Variants in COL22A1 observed in about 807,000 individuals in gnomAD.
The protein encoded by COL22A1 is collagen type XXII alpha 1 chain.
In COL22A1, 221 loss-of-function variants were observed where a neutral mutation model predicts 248.9. The observed-to-expected ratio is 0.89, with a 90% confidence interval of 0.80 to 0.99. COL22A1 has a LOEUF of 0.99. Among genes scored for constraint, COL22A1 ranks in the 50% least tolerant of loss-of-function variants. The probability of loss-of-function intolerance (pLI) is 0.00; values close to 1 mark genes in which losing one functional copy is unlikely to be tolerated. For synonymous variants in COL22A1, 891 were observed against 793.4 expected, an observed-to-expected ratio of 1.12 and a Z score of -2.07; for missense variants, 2,240 against 2,179.0, an observed-to-expected ratio of 1.03 and a Z score of -0.56.
intron 32 of COL22A1, among the ~76,000 whole-genome samples, chr8:138,696,609 C>A (rs751468193): frequency 6.6e-6 from 1 of 151,498 alleles, no homozygotes; most frequent in Admixed American, 6.6e-5. Context: ...CTCTCTGATA[C>A]GGCAGTTGGA....
intron 47 of COL22A1, among the ~76,000 whole-genome samples, chr8:138,644,901 G>T (rs1441204238): frequency 6.6e-6 from 1 of 152,090 alleles, no homozygotes; most frequent in Non-Finnish European, 1.5e-5. Context: ...CGGACGGCCC[G>T]CAAGTGCAAT....
intron 45 of COL22A1, among the ~76,000 whole-genome samples, chr8:138,653,441 C>G (rs1822937138): frequency 6.6e-6 from 1 of 152,228 alleles, no homozygotes; most frequent in South Asian, 2.1e-4. Context: ...GGTTCTACCA[C>G]TACAAGGTCT....
At position 138,755,222 on chromosome 8, in the gene COL22A1, A is replaced by G. The variant is rs1045886794; in HGVS notation, c.1978-12T>C. 125 of 1,613,536 alleles carry G rather than the reference A, an allele frequency of 7.7e-5. No homozygotes were observed. The highest frequency in any genetic ancestry group is 1.0e-4 in the Non-Finnish European group (121 of 1,179,634). ...GGTCCTGGAGCTCCCTGGTAACACA[A>G]GCCAAACAGATGTTTAGTCATGACT... On this transcript the variant is annotated splice_polypyrimidine_tract_variant and intron_variant, in intron 20 of 64. Coordinates refer to ENST00000303045, the MANE Select transcript of COL22A1 (RefSeq NM_152888.3).
At chr8:138,663,877 C>A (rs1824207639) in intron 41 of COL22A1, 137 bp from the exon 42 acceptor site, 1 of 670,174 alleles carries the variant, frequency 1.5e-6, no homozygotes, top group South Asian at 1.7e-5. Flanking sequence ...TGAAGCCACA[C>A]TGCCATACCC....
Position 138,703,307 on chromosome 8 carries a change from G to C in COL22A1, c.2558C>G (p.Thr853Ser), listed in dbSNP as rs1430353024. 1.2e-6 allele frequency: 2 copies of C among 1,613,018 alleles called. No individual in the cohort carries two copies. Among genetic ancestry groups the C allele is most frequent in the African/African-American group, 2.7e-5 (2 of 74,878 alleles). The change falls in exon 31 of 65, where the codon ACT becomes AGT. Residue 853 changes from threonine (T) to serine (S), a missense_variant and splice_region_variant. Coordinates refer to ENST00000303045, the MANE Select transcript of COL22A1 (RefSeq NM_152888.3). Reference protein sequence around the residue: ...GPAGPPGLPGTTSLFTPHPRM... With the variant: ...GPAGPPGLPGSTSLFTPHPRM... Reference sequence around the variant, plus strand: ...AGAATTAGAAGCGGAGTAACTTACAGTTCCAGGTAACCCGGGAGGGCCTGC... The same window carrying C: ...AGAATTAGAAGCGGAGTAACTTACACTTCCAGGTAACCCGGGAGGGCCTGC...
intron 4 of COL22A1, 71 bp from the exon 5 acceptor site, chr8:138,833,221 C>T (rs572809496): frequency 5.6e-5 from 61 of 1,093,126 alleles, no homozygotes; most frequent in South Asian, 1.6e-4. Context: ...AAATCACATC[C>T]GCTGTCTGCA....
At chr8:138,679,732 C>T in intron 39 of COL22A1, 56 bp from the exon 40 acceptor site, 1 of 1,513,250 alleles carries the variant, frequency 6.6e-7, no homozygotes, top group Non-Finnish European at 9.2e-7. Flanking sequence ...TACCAAGCAC[C>T]TAAAATAATT....
chr8:138,802,785 A>T (rs2131630317), intron 11 of COL22A1, 87 bp downstream of exon 11: 1 of 1,022,452 alleles, frequency 9.8e-7, no homozygotes, highest in African/African-American at 1.6e-5. Context: ...TTCAGCCCAC[A>T]CTTGCTGATT....
At chr8:138,604,151 G>C (rs755746654) in intron 59 of COL22A1, among the ~76,000 whole-genome samples, 5 of 152,180 alleles carry the variant, frequency 3.3e-5, no homozygotes, top group Non-Finnish European at 5.9e-5. Flanking sequence ...CACGTCTCAG[G>C]AGCTAAGAGG....
chr8:138,589,649 T>A (rs1013428688), intron 64 of COL22A1, among the ~76,000 whole-genome samples: 1 of 152,170 alleles, frequency 6.6e-6, no homozygotes, highest in Non-Finnish European at 1.5e-5. Context: ...AAGAAGGGGT[T>A]GCTTTAACTA....
Position 138,807,672 on chromosome 8 carries a change from G to A in COL22A1, c.1494+96C>T, listed in dbSNP as rs563524449. 2.3e-4 allele frequency: 260 copies of A among 1,149,492 alleles called. 1 individual carries two copies. The highest frequency in any genetic ancestry group is 1.6e-3 in the African/African-American group (101 of 63,730). The allele number at this position is 1,149,492 out of a possible 1,614,324, so 71.2% of individuals were successfully genotyped here. ...AAGCTCTGAGGCAAAATATTAGCAA[G>A]GCAGCATCCCCACACACCATCTTTT... On this transcript the variant is annotated intron_variant, in intron 10 of 64. Coordinates refer to ENST00000303045, the MANE Select transcript of COL22A1 (RefSeq NM_152888.3).
chr8:138,891,940 A>G (rs1291737332), intron 1 of COL22A1, among the ~76,000 whole-genome samples: 2 of 152,214 alleles, frequency 1.3e-5, no homozygotes, highest in African/African-American at 2.4e-5. Flanking sequence ...GATGAATAAC[A>G]TTAATTGATT....
chr8:138,853,358 G>C (rs768947386), intron 3 of COL22A1, among the ~76,000 whole-genome samples: 8 of 152,200 alleles, frequency 5.3e-5, no homozygotes, highest in Admixed American at 1.3e-4. Context: ...TTGTTTCAGA[G>C]ATGGTCTGAA....
chr8:138,838,504 A>T (rs556061479), intron 4 of COL22A1, among the ~76,000 whole-genome samples: 3 of 152,320 alleles, frequency 2.0e-5, no homozygotes, highest in African/African-American at 7.2e-5. Flanking sequence ...TTTTCCCTTC[A>T]GCAGTCATAT....
intron 47 of COL22A1, among the ~76,000 whole-genome samples, chr8:138,644,569 C>T (rs1484257394): frequency 6.6e-6 from 1 of 152,054 alleles, no homozygotes; most frequent in Non-Finnish European, 1.5e-5. Context: ...CAGTTTTGGC[C>T]AACTCACAGA....
chr8:138,716,153 G>C, intron 29 of COL22A1, 74 bp downstream of exon 29: 1 of 1,153,188 alleles, frequency 8.7e-7, no homozygotes, highest in Non-Finnish European at 1.3e-6. Flanking sequence ...GAGGGACTGA[G>C]ACTCCACAGG....
intron 58 of COL22A1, among the ~76,000 whole-genome samples, chr8:138,605,249 G>T (rs1318004816): frequency 2.0e-5 from 3 of 152,148 alleles, no homozygotes; most frequent in Non-Finnish European, 4.4e-5. Context: ...GAGAACAGTG[G>T]TTGTACCTGC....
intron 7 of COL22A1, among the ~76,000 whole-genome samples, chr8:138,819,099 T>C (rs1011394815): frequency 6.6e-6 from 1 of 152,202 alleles, no homozygotes; most frequent in Non-Finnish European, 1.5e-5. Flanking sequence ...AAAATTGGTA[T>C]GCACAGGGTT....
chr8:138,726,518 GA>G (rs1830328638), intron 23 of COL22A1, among the ~76,000 whole-genome samples: 1 of 114,668 alleles, frequency 8.7e-6, no homozygotes, highest in African/African-American at 3.5e-5. Flanking sequence ...AAAAAAGAAA[GA>G]AAAAAAGACA....
Sources: gnomAD v4.1 joint callset for allele counts (sites outside exome capture counted in the v4.1 genomes callset) on GRCh38, gnomAD v4.1.1 for gene constraint, MANE v1.5 for transcripts, NCBI Gene and HGNC (gene_info 2026-07-23, HGNC 2026-07-21) for gene names.